REV3L: variants seen among roughly 807,000 people sequenced by gnomAD.
REV3L encodes the protein REV3 like, DNA directed polymerase zeta catalytic subunit.
A neutral mutation model predicts 299.4 loss-of-function variants in REV3L; 69 were observed. The ratio of observed to expected loss-of-function variants is 0.23; its 90% CI spans 0.19 to 0.28. The LOEUF is 0.28. REV3L is among the 10% of genes least tolerant of loss of function. The pLI is 1.00. For missense variants in REV3L, 3,128 were observed against 3,693.8 expected (o/e 0.85, Z 3.97); for synonymous variants, 1,238 against 1,271.4 (o/e 0.97, Z 0.56).
At chr6:111,388,412 A>G (rs1373378253) in intron 7 of REV3L, among the ~76,000 whole-genome samples, 2 of 152,210 alleles carry the variant, frequency 1.3e-5, no homozygotes, top group Admixed American at 1.3e-4. Flanking sequence ...TATTTTTAAA[A>G]GTATAAAAGG....
chr6:111,371,594 C>T (rs1199455780), intron 13 of REV3L, among the ~76,000 whole-genome samples: 1 of 147,960 alleles, frequency 6.8e-6, no homozygotes, highest in Non-Finnish European at 1.5e-5. Context: ...GAGTTTCACT[C>T]TTTATTGCCC....
intron 4 of REV3L, among the ~76,000 whole-genome samples, chr6:111,403,407 T>C (rs1783288552): frequency 6.6e-6 from 1 of 152,230 alleles, no homozygotes; most frequent in Admixed American, 6.5e-5. Context: ...TATTGAACAT[T>C]TGTGGCAACT....
upstream of REV3L, chr6:111,483,480 G>A (rs1338448675): frequency 3.8e-6 from 2 of 519,592 alleles, no homozygotes; most frequent in Admixed American, 2.6e-5. Flanking sequence ...AGCGGAAGGG[G>A]CGGCGGAGCA....
At chr6:111,316,224 T>TAA (rs75805183) in intron 26 of REV3L, among the ~76,000 whole-genome samples, 26 of 104,250 alleles carry the variant, frequency 2.5e-4, no homozygotes, top group African/African-American at 7.9e-4. Context: ...GGACTCCATC[T>TAA]AAAAAAAAAA....
chr6:111,357,403 A>G (rs748335083), intron 17 of REV3L, among the ~76,000 whole-genome samples: 3 of 152,124 alleles, frequency 2.0e-5, no homozygotes, highest in African/African-American at 4.8e-5. Flanking sequence ...AGAAAATAAC[A>G]TATCACTGGC....
At chr6:111,305,929 GT>G (rs1315926864) in intron 31 of REV3L, among the ~76,000 whole-genome samples, 2 of 152,188 alleles carry the variant, frequency 1.3e-5, no homozygotes, top group African/African-American at 4.8e-5. Context: ...CACAAAACTG[GT>G]AAAAAATGGC....
chr6:111,470,750 T>C (rs1792101087), intron 1 of REV3L, among the ~76,000 whole-genome samples: 1 of 152,070 alleles, frequency 6.6e-6, no homozygotes, highest in Non-Finnish European at 1.5e-5. Context: ...GAGGCCAAGG[T>C]GAGCAGATCA....
chr6:111,319,439 C>A (rs1200756514), intron 26 of REV3L, among the ~76,000 whole-genome samples: 1 of 151,692 alleles, frequency 6.6e-6, no homozygotes, highest in African/African-American at 2.4e-5. Context: ...GGACTCCAGC[C>A]TGGGCGGCAG....
Position 111,387,660 on chromosome 6 carries a change from T to C in REV3L, c.1096+105A>G, listed in dbSNP as rs541018028. On this transcript the variant is annotated intron_variant, in intron 9 of 31. Coordinates refer to ENST00000368802, the MANE Select transcript of REV3L (RefSeq NM_001372078.1). The stretch of plus-strand genomic sequence containing the variant: ...AAATTTTTGCTATATCCACAATATT[T>C]ATTTCATAGGGAAAAAAATCCCTAG... 4.8e-5 allele frequency: 55 copies of C among 1,137,844 alleles called. No individual in the cohort carries two copies. The East Asian group carries it at 1.4e-3, about 28-fold the overall frequency. The allele number at this position is 1,137,844 out of a possible 1,614,324, so 70.5% of individuals were successfully genotyped here. A position where few individuals can be genotyped will look rare whatever the true frequency, so the allele number is the denominator to read the frequency against.
chr6:111,475,306 T>C (rs1204363881), intron 1 of REV3L, among the ~76,000 whole-genome samples: 1 of 152,184 alleles, frequency 6.6e-6, no homozygotes, highest in African/African-American at 2.4e-5. Context: ...CAGTAACAAA[T>C]AATGCTGCCA....
At chr6:111,446,360 T>TATGC (rs1196034752) in intron 1 of REV3L, among the ~76,000 whole-genome samples, 4 of 152,110 alleles carry the variant, frequency 2.6e-5, no homozygotes, top group Non-Finnish European at 4.4e-5. Flanking sequence ...CTAGTGTAAA[T>TATGC]TAGGAACATC....
intron 15 of REV3L, 105 bp downstream of exon 15, chr6:111,365,160 G>T: frequency 1.4e-6 from 1 of 734,764 alleles, no homozygotes; most frequent in Non-Finnish European, 2.1e-6. Flanking sequence ...AAAAATTTAA[G>T]TAACCAAAAT....
rs141748419 is a variant in REV3L at position 111,471,796 on chromosome 6, T to C, written c.139+10954A>G. 1.2e-3 allele frequency among the ~76,000 whole-genome samples: 190 copies of C among 152,248 alleles called. 1 individual carries two copies. The highest frequency in any genetic ancestry group is 4.2e-3 in the African/African-American group (175 of 41,546). On this transcript the variant is annotated intron_variant, in intron 1 of 31. Transcript: ENST00000368802. ...TCTTAGAGACAAACACAATATCCAT[T>C]GTAACAGATCCTTTTTTAACAGCAA...
chr6:111,391,573 G>A (rs576166413), intron 5 of REV3L, among the ~76,000 whole-genome samples: 28 of 152,204 alleles, frequency 1.8e-4, no homozygotes, highest in South Asian at 4.1e-4. Flanking sequence ...TGATAGAGAA[G>A]GAATATAATT....
Position 111,427,456 on chromosome 6 carries a change from G to A in REV3L, c.140-10984C>T, listed in dbSNP as rs141090083. Among the ~76,000 whole-genome samples, 13 of 152,232 alleles carry A rather than the reference G, an allele frequency of 8.5e-5. No homozygotes were observed. The East Asian group carries it at 2.5e-3, about 29-fold the overall frequency. On this transcript the variant is annotated intron_variant, in intron 1 of 31. Transcript: ENST00000368802. ...AAAACGGTGGTACAGAAGTAACCTG[G>A]CTTCACTCACTGCCACAGGAAACCA...
chr6:111,302,047 C>T (rs1582406289), intron 31 of REV3L, among the ~76,000 whole-genome samples: 1 of 152,200 alleles, frequency 6.6e-6, no homozygotes. Flanking sequence ...GTTTCAGTTT[C>T]AGAGATGGCT....
At chr6:111,460,418 G>C (rs556993438) in intron 1 of REV3L, 1 of 36,944 alleles carries the variant, frequency 2.7e-5, no homozygotes, top group African/African-American at 1.2e-4. Context: ...TAAAATAAAA[G>C]CGGAAAAAGA....
At chr6:111,366,503 T>C (rs1055377907) in intron 14 of REV3L, among the ~76,000 whole-genome samples, 8 of 151,586 alleles carry the variant, frequency 5.3e-5, no homozygotes, top group African/African-American at 1.9e-4. Flanking sequence ...AACAGAGAAG[T>C]AGGAGGAAAG....
intron 31 of REV3L, among the ~76,000 whole-genome samples, chr6:111,305,768 C>T (rs972818613): frequency 1.3e-5 from 2 of 151,830 alleles, no homozygotes; most frequent in Non-Finnish European, 2.9e-5. Flanking sequence ...CTTAGCAGAG[C>T]CCTGGAGGTC....
Sources: allele counts gnomAD v4.1 joint callset (sites outside exome capture counted in the v4.1 genomes callset), GRCh38; gene constraint gnomAD v4.1.1; transcripts MANE v1.5; gene names NCBI Gene and HGNC (gene_info 2026-07-23, HGNC 2026-07-21).